TMEM106A: variants seen among roughly 807,000 people sequenced by gnomAD.
TMEM106A encodes transmembrane protein 106A.
A neutral mutation model predicts 25.1 loss-of-function variants in TMEM106A; 22 were observed. The ratio of observed to expected loss-of-function variants is 0.88; its 90% CI spans 0.63 to 1.25. The LOEUF is 1.25. Ranked by LOEUF, TMEM106A falls within the 50% of genes most tolerant of loss-of-function variation. The pLI is 0.00. For missense variants in TMEM106A, 275 were observed against 318.1 expected (o/e 0.86, Z 1.03); for synonymous variants, 104 against 129.9 (o/e 0.80, Z 1.35).
rs774762977 is a variant in TMEM106A, at chr17:43,213,892, G to A, written c.275+1G>A. 12 of 1,613,994 alleles carry A rather than the reference G, an allele frequency of 7.4e-6. No homozygotes were observed. Among genetic ancestry groups the A allele is most frequent in the African/African-American group, 6.7e-5 (5 of 74,916 alleles). The stretch of plus-strand genomic sequence containing the variant: ...ACCAGAGGCTGAAGCCCAAGCACAC[G>A]TAAGCCCCCCTTCCTCCCCTAGCTT... On this transcript the variant is annotated splice_donor_variant, in intron 4 of 8. Coordinates refer to ENST00000612339, the MANE Select transcript of TMEM106A (RefSeq NM_145041.4). LOFTEE classifies it high-confidence loss of function.
In TMEM106A at chr17:43,213,203, C is replaced by A. The variant is rs749296437; in HGVS notation, c.162C>A (p.Ala54=). Residue 54 remains alanine (A), a synonymous_variant, in exon 3 of 9, where the codon GCC becomes GCA. Coordinates refer to ENST00000612339, the MANE Select transcript of TMEM106A (RefSeq NM_145041.4). ...SCVPCEGTAD[A]SFVTCPTCQG... is the part of the protein sequence containing the mutation. ...TGCCTTGTGAAGGAACTGCTGATGCCAGCTTCGTGACTTGTCCCACCTGCC... is the reference window on the plus strand; with the variant it reads ...TGCCTTGTGAAGGAACTGCTGATGCAAGCTTCGTGACTTGTCCCACCTGCC... 8.7e-6 allele frequency: 14 copies of A among 1,614,068 alleles called. No homozygotes were observed. The highest frequency in any genetic ancestry group is 1.6e-4 in the Middle Eastern group (1 of 6,084).
intron 4 of TMEM106A, 46 bp from the exon 5 acceptor site, chr17:43,215,742 G>A (rs749637325): frequency 1.2e-6 from 2 of 1,609,634 alleles, no homozygotes; most frequent in Non-Finnish European, 1.7e-6. Context: ...TTTCCTTGGT[G>A]TTCAGACTTT....
chr17:43,216,094 C>T, intron 5 of TMEM106A, 153 bp downstream of exon 5: 2 of 927,382 alleles, frequency 2.2e-6, no homozygotes, highest in South Asian at 3.3e-5. Context: ...CAACCATGAG[C>T]TCCATGACAG....
At position 43,219,966 on chromosome 17, in the gene TMEM106A, G is replaced by C. The variant is rs745356823; in HGVS notation, c.*2165G>C. The C allele has an allele frequency of 6.6e-6, 1 of 152,234 alleles. No homozygotes were observed. Among genetic ancestry groups the C allele is most frequent in the Non-Finnish European group, 1.5e-5 (1 of 68,106 alleles). 9.4% of individuals were successfully genotyped at this position (152,234 alleles called of 1,614,324 possible). ...AAAAGTCCAGGGAAGCCAGGCTGGA[G>C]CTGCTGTGTATAGACTGCCAAATGT... On this transcript the variant is annotated 3_prime_UTR_variant, in exon 9 of 9. Coordinates refer to ENST00000612339, the MANE Select transcript of TMEM106A (RefSeq NM_145041.4).
chr17:43,217,170 T>C, intron 7 of TMEM106A, 89 bp from the exon 8 acceptor site: 1 of 1,347,914 alleles, frequency 7.4e-7, no homozygotes, highest in Non-Finnish European at 1.1e-6. Context: ...TTCTGTGGGG[T>C]AAGGAAACTG....
Position 43,213,025 on chromosome 17 carries a change from AC to A in TMEM106A, c.-12del, listed in dbSNP as rs567657773. ...ACTTTGGTCTTTTCTCATTAGTGAA[AC>A]CCCCGCCCCTGAAGAATGGGTAAGA... On this transcript the variant is annotated 5_prime_UTR_variant, in exon 3 of 9. Transcript: ENST00000612339. The A allele has an allele frequency of 1.8e-4, 286 of 1,612,644 alleles. No homozygotes were observed. In the East Asian group the frequency reaches 5.1e-3, roughly 29 times the overall value.
Position 43,213,748 on chromosome 17 carries a change from G to A in TMEM106A, c.212-80G>A. 2.2e-6 allele frequency: 3 copies of A among 1,379,656 alleles called. No individual in the cohort carries two copies. In the South Asian group the frequency reaches 3.5e-5, roughly 16 times the overall value. 85.5% of individuals were successfully genotyped at this position (1,379,656 alleles called of 1,614,324 possible). ...ACATTGCTCTATGGTGTGGGTGGAG[G>A]CGTGCTTCTGGGAAGCTGGCACAGT... On this transcript the variant is annotated intron_variant, in intron 3 of 8. Coordinates refer to ENST00000612339, the MANE Select transcript of TMEM106A (RefSeq NM_145041.4).
intron 7 of TMEM106A, 121 bp downstream of exon 7, chr17:43,216,861 A>G (rs1028420437): frequency 3.4e-5 from 43 of 1,256,452 alleles, no homozygotes; most frequent in Non-Finnish European, 4.2e-5. Flanking sequence ...CTGCCCTCCC[A>G]TGGCCGAGAA....
intron 5 of TMEM106A, 145 bp downstream of exon 5, chr17:43,216,086 ACCATGAGCT>A: frequency 1.0e-6 from 1 of 986,442 alleles, no homozygotes; most frequent in Non-Finnish European, 1.5e-6. Flanking sequence ...AGTAGGAGCA[ACCATGAGCT>A]CCATGACAGA....
Position 43,217,792 on chromosome 17 carries a change from C to T in TMEM106A, c.780C>T (p.His260=), listed in dbSNP as rs1220893083. 2 of 1,614,186 alleles carry T rather than the reference C, an allele frequency of 1.2e-6. No individual in the cohort carries two copies. Among genetic ancestry groups the T allele is most frequent in the East Asian group, 4.5e-5 (2 of 44,882 alleles). ...CTGTGCCCCACCAGCTGACCCCTCA[C>T]CCACCATGACCTGTCTGCTGTCCCT... ...NASVPHQLTP[H]PP is the part of the protein sequence containing the mutation. The change falls in exon 9 of 9, where the codon CAC becomes CAT. Residue 260 remains histidine, a synonymous_variant. Coordinates refer to ENST00000612339, the MANE Select transcript of TMEM106A (RefSeq NM_145041.4).
chr17:43,213,400 A>T, intron 3 of TMEM106A, 148 bp downstream of exon 3: 1 of 818,846 alleles, frequency 1.2e-6, no homozygotes, highest in Non-Finnish European at 1.9e-6. Context: ...CCAGGGAGAT[A>T]CTTAACTATC....
chr17:43,217,130 A>C, intron 7 of TMEM106A, 129 bp from the exon 8 acceptor site: 1 of 957,170 alleles, frequency 1.0e-6, no homozygotes, highest in Non-Finnish European at 1.7e-6. Flanking sequence ...TGGGAGTGAC[A>C]TTTTGGGGGC....
chr17:43,217,967 A>G lies in TMEM106A; in HGVS notation c.*166A>G. 1.1e-6 allele frequency: 1 copy of G among 915,720 alleles called. No individual in the cohort carries two copies. The highest frequency in any genetic ancestry group is 1.7e-6 in the Non-Finnish European group (1 of 599,474). 56.7% of individuals were successfully genotyped at this position (915,720 alleles called of 1,614,324 possible). On this transcript the variant is annotated 3_prime_UTR_variant, in exon 9 of 9. Transcript: ENST00000612339. ...AGCACAGGAAGCTTGCTTTGAAGTT[A>G]ACTTCATACACACACACTCATATCC...
chr17:43,214,419 G>A (rs2057466201), intron 4 of TMEM106A, among the ~76,000 whole-genome samples: 1 of 152,126 alleles, frequency 6.6e-6, no homozygotes, highest in Non-Finnish European at 1.5e-5. Context: ...ATTTGAAAAT[G>A]TTATTTTTCT....
chr17:43,217,367 A>C, intron 8 of TMEM106A, 55 bp downstream of exon 8: 2 of 1,583,390 alleles, frequency 1.3e-6, no homozygotes, highest in Non-Finnish European at 1.7e-6. Context: ...CTTCATTCTC[A>C]CTCAGCTACA....
Position 43,218,877 on chromosome 17 carries a change from G to GT in TMEM106A, c.*1078dup, listed in dbSNP as rs2057510929. ...GCCCTTTAGCCCTCTGTCCTTTCTG[G>GT]TTATTGACTGTCCCTGGTTCCTAGG... On this transcript the variant is annotated 3_prime_UTR_variant, in exon 9 of 9. Coordinates refer to ENST00000612339, the MANE Select transcript of TMEM106A (RefSeq NM_145041.4). The GT allele has an allele frequency of 6.6e-6, 1 of 152,262 alleles. No individual in the cohort carries two copies. Among genetic ancestry groups the GT allele is most frequent in the Non-Finnish European group, 1.5e-5 (1 of 68,036 alleles). The allele number at this position is 152,262 out of a possible 1,614,324, so 9.4% of individuals were successfully genotyped here.
intron 4 of TMEM106A, among the ~76,000 whole-genome samples, chr17:43,214,188 C>CAAAAAAAAAAAAAAAAAAAAA (rs1171744040): frequency 3.9e-5 from 2 of 50,824 alleles, no homozygotes; most frequent in Admixed American, 2.3e-4. Context: ...CCATCTCTAT[C>CAAAAAAAAAAAAAAAAAAAAA]AAAAAAAAAA....
chr17:43,218,164 G>A lies in TMEM106A; in HGVS notation c.*363G>A, dbSNP rs2057504584. The A allele has an allele frequency of 4.4e-6, 1 of 224,962 alleles. No individual in the cohort carries two copies. Among genetic ancestry groups the A allele is most frequent in the Non-Finnish European group, 8.8e-6 (1 of 113,132 alleles). 13.9% of individuals were successfully genotyped at this position (224,962 alleles called of 1,614,324 possible). A position where few individuals can be genotyped will look rare whatever the true frequency, so the allele number is the denominator to read the frequency against. ...CTCCCAAAGCACTTGGATTACAGAT[G>A]TGAGCCTGTGCCTGGCTGGTCTTTC... On this transcript the variant is annotated 3_prime_UTR_variant, in exon 9 of 9. Coordinates refer to ENST00000612339, the MANE Select transcript of TMEM106A (RefSeq NM_145041.4).
chr17:43,216,453 T>C lies in TMEM106A; in HGVS notation c.434T>C (p.Ile145Thr). Residue 145 changes from isoleucine (I) to threonine (T), a missense_variant, in exon 6 of 9, where the codon ATC (isoleucine) becomes ACC (threonine). By Grantham distance (89) the Ile-to-Thr change is moderately conservative (BLOSUM62 -1). Coordinates refer to ENST00000612339, the MANE Select transcript of TMEM106A (RefSeq NM_145041.4). ...TTCCCTTGTCTTCATCCCCAGAATA[T>C]CTTAAACATCTCCAATGGCAACTAC... Reference protein sequence around the residue: ...EADIYLNITNILNISNGNYYP... With the variant: ...EADIYLNITNTLNISNGNYYP... 6.2e-7 allele frequency: 1 copy of C among 1,614,120 alleles called. No homozygotes were observed. The highest frequency in any genetic ancestry group is 2.2e-5 in the East Asian group (1 of 44,882).
Sources: gnomAD v4.1 joint callset for allele counts (sites outside exome capture counted in the v4.1 genomes callset) on GRCh38, gnomAD v4.1.1 for gene constraint, MANE v1.5 for transcripts, NCBI Gene and HGNC (gene_info 2026-07-23, HGNC 2026-07-21) for gene names.